The following FSTL5 variants were observed in gnomAD, a reference collection of about 807,000 sequenced individuals.
FSTL5 encodes the protein follistatin like 5.
FSTL5 carries 62 observed loss-of-function variants against 89.1 expected under a neutral mutation model. That is an observed-to-expected ratio of 0.70 (90% CI 0.57 to 0.86). The LOEUF is 0.86. Among genes scored for constraint, FSTL5 ranks in the 40% least tolerant of loss-of-function variants. The pLI is 0.00. For missense variants in FSTL5, 1,057 were observed against 1,001.6 expected, an observed-to-expected ratio of 1.06 and a Z score of -0.75; for synonymous variants, 383 against 346.2, an observed-to-expected ratio of 1.11 and a Z score of -1.18.
At chr4:161,750,194 C>A (rs972952549) in intron 6 of FSTL5, among the ~76,000 whole-genome samples, 1 of 152,024 alleles carries the variant, frequency 6.6e-6, no homozygotes, top group African/African-American at 2.4e-5. Flanking sequence ...GGAATTTGCA[C>A]TTAAATTCAT....
chr4:161,547,306 T>C (rs1259718595), intron 8 of FSTL5, among the ~76,000 whole-genome samples: 1 of 152,060 alleles, frequency 6.6e-6, no homozygotes, highest in Admixed American at 6.6e-5. Flanking sequence ...AATTATTTGA[T>C]TATTTCATTT....
intron 4 of FSTL5, among the ~76,000 whole-genome samples, chr4:161,879,510 A>T (rs984100503): frequency 6.6e-6 from 1 of 152,184 alleles, no homozygotes; most frequent in South Asian, 2.1e-4. Context: ...ACTTCATACC[A>T]AAGTATGCAA....
chr4:161,433,106 A>G, intron 15 of FSTL5, among the ~76,000 whole-genome samples: 1 of 108,178 alleles, frequency 9.2e-6, no homozygotes, highest in South Asian at 5.1e-4. Flanking sequence ...CCAAAACCAG[A>G]CAAAGACACA....
chr4:161,936,639 T>C (rs1167320598), intron 3 of FSTL5, among the ~76,000 whole-genome samples: 1 of 152,138 alleles, frequency 6.6e-6, no homozygotes, highest in Non-Finnish European at 1.5e-5. Flanking sequence ...TACTAAAATA[T>C]GGAGGCCTGT....
intron 2 of FSTL5, among the ~76,000 whole-genome samples, chr4:162,052,719 G>T (rs1182122028): frequency 6.6e-6 from 1 of 151,660 alleles, no homozygotes; most frequent in Non-Finnish European, 1.5e-5. Flanking sequence ...TTAAGCAAAC[G>T]CGTGTGACAA....
intron 3 of FSTL5, among the ~76,000 whole-genome samples, chr4:161,977,856 C>T (rs1361259608): frequency 6.6e-6 from 1 of 151,700 alleles, no homozygotes; most frequent in East Asian, 1.9e-4. Flanking sequence ...GTGAAATATT[C>T]TATATTAATC....
chr4:161,959,927 C>T (rs982975943), intron 3 of FSTL5, among the ~76,000 whole-genome samples: 2 of 152,030 alleles, frequency 1.3e-5, no homozygotes, highest in Non-Finnish European at 2.9e-5. Context: ...CTGGCTTCTC[C>T]TATTCCTGTC....
At chr4:161,677,826 T>C (rs575072757) in intron 6 of FSTL5, among the ~76,000 whole-genome samples, 38 of 152,064 alleles carry the variant, frequency 2.5e-4, no homozygotes, top group Middle Eastern at 3.4e-3. Context: ...CTAACTAAAA[T>C]TGTGTTTTTT....
chr4:161,522,719 G>T (rs1201955908), intron 10 of FSTL5, among the ~76,000 whole-genome samples: 2 of 151,500 alleles, frequency 1.3e-5, no homozygotes, highest in Admixed American at 1.3e-4. Context: ...TGTTTCATGT[G>T]AATTTGACAT....
chr4:162,004,435 C>T (rs1238077226), intron 3 of FSTL5, among the ~76,000 whole-genome samples: 1 of 152,144 alleles, frequency 6.6e-6, no homozygotes, highest in Non-Finnish European at 1.5e-5. Context: ...CTTCTTGGAC[C>T]TCATACCAAC....
intron 7 of FSTL5, among the ~76,000 whole-genome samples, chr4:161,610,071 AT>A (rs1734583932): frequency 6.6e-6 from 1 of 152,150 alleles, no homozygotes; most frequent in Non-Finnish European, 1.5e-5. Flanking sequence ...TCAATTAAAA[AT>A]TTTTAATTTC....
At chr4:162,041,692 T>C (rs1215991918) in intron 2 of FSTL5, among the ~76,000 whole-genome samples, 2 of 152,094 alleles carry the variant, frequency 1.3e-5, no homozygotes, top group Non-Finnish European at 2.9e-5. Flanking sequence ...GGTTGAGATA[T>C]TCTCAGTATT....
intron 10 of FSTL5, among the ~76,000 whole-genome samples, chr4:161,527,069 C>G (rs1362836015): frequency 1.3e-5 from 2 of 152,176 alleles, no homozygotes; most frequent in Non-Finnish European, 2.9e-5. Flanking sequence ...TCTTCCTACC[C>G]ATGAGCAAGG....
intron 10 of FSTL5, among the ~76,000 whole-genome samples, chr4:161,530,405 T>C (rs1731372167): frequency 7.9e-6 from 1 of 127,006 alleles, no homozygotes; most frequent in Non-Finnish European, 1.7e-5. Flanking sequence ...TATGTTTATA[T>C]AATTTATTTA....
At chr4:162,018,601 C>A (rs531327626) in intron 3 of FSTL5, among the ~76,000 whole-genome samples, 19 of 151,848 alleles carry the variant, frequency 1.3e-4, no homozygotes, top group Admixed American at 2.0e-4. Flanking sequence ...ACTTTTTTCT[C>A]TGCCTACATA....
intron 8 of FSTL5, among the ~76,000 whole-genome samples, chr4:161,584,795 G>GT (rs1733549861): frequency 6.6e-6 from 1 of 151,938 alleles, no homozygotes; most frequent in Non-Finnish European, 1.5e-5. Flanking sequence ...AATATCATTG[G>GT]TTTTCTCTCC....
At chr4:161,717,962 C>G (rs959683133) in intron 6 of FSTL5, among the ~76,000 whole-genome samples, 1 of 152,114 alleles carries the variant, frequency 6.6e-6, no homozygotes, top group African/African-American at 2.4e-5. Context: ...GTAATATGTG[C>G]AGTCACTTAT....
At chr4:162,046,628 A>G (rs1349957142) in intron 2 of FSTL5, among the ~76,000 whole-genome samples, 1 of 152,162 alleles carries the variant, frequency 6.6e-6, no homozygotes, top group African/African-American at 2.4e-5. Context: ...CATAAATTAA[A>G]TAAACATGCC....
Position 161,661,892 on chromosome 4 carries a change from C to T in FSTL5, c.728-5398G>A, listed in dbSNP as rs139758604. Among the ~76,000 whole-genome samples, 916 of 152,242 alleles carry T rather than the reference C, an allele frequency of 6.0e-3. 9 individuals are homozygous for T. Among genetic ancestry groups the T allele is most frequent in the South Asian group, 0.045 (219 of 4,824 alleles). ...TAAACAGCATGAACTAAATACAAAT[C>T]ATTTATTCTTAAAAGCATTAGAGAA... On this transcript the variant is annotated intron_variant, in intron 6 of 15. Coordinates refer to ENST00000306100, the MANE Select transcript of FSTL5 (RefSeq NM_020116.5).
Sources: gnomAD v4.1 joint callset for allele counts (sites outside exome capture counted in the v4.1 genomes callset) on GRCh38, gnomAD v4.1.1 for gene constraint, MANE v1.5 for transcripts, NCBI Gene and HGNC (gene_info 2026-07-23, HGNC 2026-07-21) for gene names.